ABCA9: variants seen among roughly 807,000 people sequenced by gnomAD.
The protein encoded by ABCA9 is ATP binding cassette subfamily A member 9.
In ABCA9, 183 loss-of-function variants were observed where a neutral mutation model predicts 205.3. The observed-to-expected ratio is 0.89, with a 90% CI of 0.79 to 1.01. The LOEUF is 1.01. Among genes scored for constraint, ABCA9 ranks in the 50% least tolerant of loss-of-function variants. ABCA9 has a pLI of 0.00. For synonymous variants in ABCA9, 651 were observed against 683.3 expected (o/e 0.95, Z 0.74); for missense variants, 1,805 against 1,912.4 (o/e 0.94, Z 1.05).
chr17:69,037,474 A>G (rs1182670241), intron 6 of ABCA9, among the ~76,000 whole-genome samples: 2 of 152,252 alleles, frequency 1.3e-5, no homozygotes, highest in African/African-American at 4.8e-5. Context: ...TACTGGGTAA[A>G]TAACAAAATT....
chr17:69,036,870 G>GAAAAAAAAAA (rs1567963217), intron 6 of ABCA9, among the ~76,000 whole-genome samples: 1 of 2,488 alleles, frequency 4.0e-4, no homozygotes, highest in African/African-American at 1.6e-3. Flanking sequence ...TAAATGGAAA[G>GAAAAAAAAAA]CAAAAAAAAA....
intron 6 of ABCA9, among the ~76,000 whole-genome samples, chr17:69,040,479 T>C (rs911143500): frequency 6.6e-6 from 1 of 152,174 alleles, no homozygotes; most frequent in African/African-American, 2.4e-5. Context: ...CCGCATGTTC[T>C]CACTCAAAAG....
chr17:69,027,178 T>G, intron 14 of ABCA9, 64 bp from the exon 15 acceptor site: 1 of 1,585,652 alleles, frequency 6.3e-7, no homozygotes, highest in Non-Finnish European at 8.6e-7. Context: ...TAAAAAGCAC[T>G]GTACTTTTAA....
chr17:68,995,288 C>A (rs530245444), intron 26 of ABCA9, among the ~76,000 whole-genome samples: 2 of 152,176 alleles, frequency 1.3e-5, no homozygotes, highest in South Asian at 4.1e-4. Context: ...CTCCCTGGCT[C>A]CATCTCAAAT....
upstream of ABCA9, among the ~76,000 whole-genome samples, chr17:69,065,527 T>C (rs951607677): frequency 6.6e-6 from 1 of 152,198 alleles, no homozygotes; most frequent in African/African-American, 2.4e-5. Flanking sequence ...TTGCCTTGTC[T>C]CCTTCCTCCA....
the ABCA9 span, among the ~76,000 whole-genome samples, chr17:69,070,926 G>A: frequency 6.6e-6 from 1 of 152,180 alleles, no homozygotes; most frequent in Admixed American, 6.5e-5. Context: ...TGCCATTACT[G>A]AGGCTTGAAT....
At chr17:69,010,040 G>A (rs759021135) in intron 23 of ABCA9, among the ~76,000 whole-genome samples, 3 of 151,886 alleles carry the variant, frequency 2.0e-5, no homozygotes, top group Non-Finnish European at 2.9e-5. Flanking sequence ...ATAGCTCTTA[G>A]GTTTCAGTCA....
chr17:69,020,378 A>G lies in ABCA9; in HGVS notation c.2600+10T>C. ...CAGACAAAACAAATCTGAAACACTC[A>G]GATACTCACATAGTCCACAGGCTTT... On this transcript the variant is annotated intron_variant, in intron 19 of 38. Coordinates refer to ENST00000340001, the MANE Select transcript of ABCA9 (RefSeq NM_080283.4). 1 of 1,600,996 alleles carries G rather than the reference A, an allele frequency of 6.2e-7. No individual in the cohort carries two copies. Among genetic ancestry groups the G allele is most frequent in the East Asian group, 2.2e-5 (1 of 44,732 alleles).
chr17:69,026,680 A>C (rs2070999328), intron 15 of ABCA9, among the ~76,000 whole-genome samples: 1 of 152,208 alleles, frequency 6.6e-6, no homozygotes, highest in Admixed American at 6.5e-5. Flanking sequence ...TATTGAGAAA[A>C]ATTATACATT....
chr17:69,019,524 A>G (rs1245364917), intron 19 of ABCA9, among the ~76,000 whole-genome samples: 1 of 152,160 alleles, frequency 6.6e-6, no homozygotes, highest in Non-Finnish European at 1.5e-5. Flanking sequence ...CTATTTTGAC[A>G]TAATCTCCCT....
rs1390887460 is a variant in ABCA9, at chr17:68,974,537, A to T, written c.*1378T>A. The T allele has an allele frequency of 6.6e-6, 1 of 152,232 alleles. No individual in the cohort carries two copies. The highest frequency in any genetic ancestry group is 2.4e-5 in the African/African-American group (1 of 41,460). 9.4% of individuals were successfully genotyped at this position (152,232 alleles called of 1,614,324 possible). ...TTTTCAAAAACTAGAAGAATATAAGAACTAAAATCAAAGCCAAGGTCTTTC... is the reference window on the plus strand; with the variant it reads ...TTTTCAAAAACTAGAAGAATATAAGTACTAAAATCAAAGCCAAGGTCTTTC... On this transcript the variant is annotated 3_prime_UTR_variant, in exon 39 of 39. Coordinates refer to ENST00000340001, the MANE Select transcript of ABCA9 (RefSeq NM_080283.4).
intron 1 of ABCA9, among the ~76,000 whole-genome samples, chr17:69,053,409 G>C (rs1037406545): frequency 1.3e-5 from 2 of 152,112 alleles, no homozygotes; most frequent in African/African-American, 4.8e-5. Context: ...GGGTTTTAGA[G>C]GTTTTGTGCC....
At chr17:69,034,605 T>C (rs561227260) in intron 8 of ABCA9, 1 of 152,254 alleles carries the variant, frequency 6.6e-6, no homozygotes, top group Admixed American at 6.5e-5. Context: ...CAATGGACAT[T>C]TACGTTGTTT....
At position 68,986,307 on chromosome 17, in the gene ABCA9, G is replaced by C; in HGVS notation, c.4065C>G (p.Ser1355Arg). ...GGAAGCCCAGGGGTTCCCCTCCACC[G>C]CTCCCTTTCAAAATCACCTATGCAA... ...PTAGQVILKG[S>R]GGGEPLGFLG... is the part of the protein sequence containing the mutation. The change falls in exon 32 of 39, where the codon AGC becomes AGG. Residue 1355 changes from serine (S) to arginine (R), a missense_variant. By Grantham distance (110) the Ser-to-Arg change is moderately radical (BLOSUM62 -1). Transcript: ENST00000340001. 2 of 1,606,918 alleles carry C rather than the reference G, an allele frequency of 1.2e-6. No individual in the cohort carries two copies. The highest frequency in any genetic ancestry group is 1.7e-6 in the Non-Finnish European group (2 of 1,177,238).
intron 12 of ABCA9, 90 bp downstream of exon 12, chr17:69,028,445 G>C (rs920640183): frequency 8.2e-6 from 7 of 856,694 alleles, no homozygotes; most frequent in Non-Finnish European, 1.2e-5. Flanking sequence ...GATTACAGGT[G>C]TGAGCCACCG....
rs192809077 is a variant in ABCA9, at chr17:69,020,377, C to G, written c.2600+11G>C. ...ACAGACAAAACAAATCTGAAACACTCAGATACTCACATAGTCCACAGGCTT... is the reference window on the plus strand; with the variant it reads ...ACAGACAAAACAAATCTGAAACACTGAGATACTCACATAGTCCACAGGCTT... On this transcript the variant is annotated intron_variant, in intron 19 of 38. Transcript: ENST00000340001. 6 of 1,600,418 alleles carry G rather than the reference C, an allele frequency of 3.7e-6. No individual in the cohort carries two copies. The East Asian group carries it at 8.9e-5, about 24-fold the overall frequency.
At chr17:69,035,962 A>G (rs1453340793) in intron 6 of ABCA9, among the ~76,000 whole-genome samples, 161 bp from the exon 7 acceptor site, 1 of 152,200 alleles carries the variant, frequency 6.6e-6, no homozygotes, top group Admixed American at 6.5e-5. Flanking sequence ...CACATAATAT[A>G]AAAGAAGGTA....
At chr17:69,062,255 G>A (rs1044788328), upstream of ABCA9, among the ~76,000 whole-genome samples, 3 of 151,640 alleles carry the variant, frequency 2.0e-5, no homozygotes, top group Non-Finnish European at 4.4e-5. Flanking sequence ...TAATAACATC[G>A]CCAACATTTT....
Position 69,020,395 on chromosome 17 carries a change from A to C in ABCA9, c.2593T>G (p.Trp865Gly). 6.2e-7 allele frequency: 1 copy of C among 1,613,052 alleles called. No individual in the cohort carries two copies. Among genetic ancestry groups the C allele is most frequent in the Non-Finnish European group, 8.5e-7 (1 of 1,179,580 alleles). ...AAACACTCAGATACTCACATAGTCC[A>C]CAGGCTTTTTCTTTCTTTCTTTAAC... The part of the protein sequence containing the change: ...LKLKKERKSL[W>G]TILLLFGISF... The change falls in exon 19 of 39, where the codon TGG (tryptophan) becomes GGG (glycine). Residue 865 changes from tryptophan to glycine, a missense_variant. Physicochemically the swap from Trp to Gly is radical, Grantham distance 184. Transcript: ENST00000340001.
Sources: gnomAD v4.1 joint callset for allele counts (sites outside exome capture counted in the v4.1 genomes callset) on GRCh38, gnomAD v4.1.1 for gene constraint, MANE v1.5 for transcripts, NCBI Gene and HGNC (gene_info 2026-07-23, HGNC 2026-07-21) for gene names.